BARD1: variants seen among roughly 807,000 people sequenced by gnomAD.
The protein encoded by BARD1 is BRCA1 associated RING domain 1.
In BARD1, 73 loss-of-function variants were observed where a neutral mutation model predicts 77.0. That is an observed-to-expected ratio of 0.95 (90% CI 0.79 to 1.15). BARD1 has a LOEUF of 1.15. BARD1 is among the 50% of genes most tolerant of loss of function. The pLI is 0.00. For synonymous variants in BARD1, 384 were observed against 338.0 expected, an observed-to-expected ratio of 1.14 and a Z score of -1.49; for missense variants, 993 against 938.8, an observed-to-expected ratio of 1.06 and a Z score of -0.75.
intron 9 of BARD1, among the ~76,000 whole-genome samples, chr2:214,739,020 G>A (rs1421478021): frequency 6.6e-6 from 1 of 152,060 alleles, no homozygotes; most frequent in African/African-American, 2.4e-5. Context: ...ATGGTGGTGA[G>A]TGCCTGTAGT....
intron 3 of BARD1, among the ~76,000 whole-genome samples, chr2:214,789,288 T>C (rs996643197): frequency 2.6e-5 from 4 of 151,774 alleles, no homozygotes; most frequent in Admixed American, 2.6e-4. Flanking sequence ...CCCAGCACTT[T>C]GGGAGGTCGA....
At chr2:214,741,222 A>G (rs528088185) in intron 9 of BARD1, among the ~76,000 whole-genome samples, 1 of 152,252 alleles carries the variant, frequency 6.6e-6, no homozygotes, top group East Asian at 1.9e-4. Context: ...GAATTTTACA[A>G]CTTCTACAGC....
At chr2:214,773,383 A>G (rs1240130512) in intron 4 of BARD1, among the ~76,000 whole-genome samples, 4 of 152,230 alleles carry the variant, frequency 2.6e-5, no homozygotes, top group Admixed American at 6.5e-5. Context: ...GATGCCATTA[A>G]AACAAACAAA....
intron 4 of BARD1, among the ~76,000 whole-genome samples, chr2:214,780,227 T>C (rs538780912): frequency 4.6e-5 from 7 of 152,292 alleles, no homozygotes; most frequent in Non-Finnish European, 1.5e-5. Context: ...AACTTAGCAA[T>C]TGTCTACATT....
At chr2:214,780,522 C>T (rs999023601) in intron 4 of BARD1, 38 bp downstream of exon 4, 3 of 1,574,730 alleles carry the variant, frequency 1.9e-6, no homozygotes, top group Admixed American at 1.7e-5. Flanking sequence ...TTATAGTTGG[C>T]CTCATTCTGA....
At chr2:214,798,113 T>C (rs1451580570) in intron 1 of BARD1, among the ~76,000 whole-genome samples, 2 of 152,126 alleles carry the variant, frequency 1.3e-5, no homozygotes, top group East Asian at 3.9e-4. Flanking sequence ...CACGTATCAA[T>C]AAAAACAATT....
intron 3 of BARD1, among the ~76,000 whole-genome samples, chr2:214,790,964 CTT>C (rs1391010796): frequency 2.6e-5 from 4 of 152,286 alleles, no homozygotes; most frequent in Non-Finnish European, 4.4e-5. Flanking sequence ...ACACCAATCT[CTT>C]TTAACTAGAA....
chr2:214,758,217 C>A (rs79853010), intron 6 of BARD1, among the ~76,000 whole-genome samples: 2,251 of 152,280 alleles, frequency 0.015, 12 homozygotes, highest in Middle Eastern at 0.031. Flanking sequence ...ACTCAAAAGT[C>A]TTATGACTTT....
chr2:214,805,832 TA>T (rs1696244867), intron 1 of BARD1, among the ~76,000 whole-genome samples: 2 of 152,098 alleles, frequency 1.3e-5, no homozygotes, highest in African/African-American at 4.8e-5. Flanking sequence ...AAAAGTTGAT[TA>T]AAAAGGCCCA....
chr2:214,792,216 A>T (rs1574839077), intron 3 of BARD1, 81 bp downstream of exon 3: 1 of 1,274,138 alleles, frequency 7.8e-7, no homozygotes, highest in East Asian at 2.5e-5. Context: ...CTCCAGATAG[A>T]TGTTTTATAT....
At chr2:214,787,240 A>G (rs1188366346) in intron 3 of BARD1, among the ~76,000 whole-genome samples, 2 of 151,946 alleles carry the variant, frequency 1.3e-5, no homozygotes, top group African/African-American at 4.8e-5. Flanking sequence ...AAACCTCAAT[A>G]TAAAAAGAAG....
intron 1 of BARD1, among the ~76,000 whole-genome samples, chr2:214,803,487 G>A (rs1288022397): frequency 6.6e-6 from 1 of 152,150 alleles, no homozygotes; most frequent in African/African-American, 2.4e-5. Context: ...TGGGACGTGC[G>A]GGCAGCAATA....
At chr2:214,749,629 A>G (rs1693307047) in intron 7 of BARD1, among the ~76,000 whole-genome samples, 1 of 152,206 alleles carries the variant, frequency 6.6e-6, no homozygotes, top group Non-Finnish European at 1.5e-5. Flanking sequence ...GCAAAGGACA[A>G]CTTGGTTATG....
intron 6 of BARD1, among the ~76,000 whole-genome samples, chr2:214,753,786 C>T (rs1405571452): frequency 6.6e-6 from 1 of 152,118 alleles, no homozygotes; most frequent in Non-Finnish European, 1.5e-5. Context: ...AAATGAACCA[C>T]AGCAAATGTT....
intron 1 of BARD1, among the ~76,000 whole-genome samples, chr2:214,801,348 T>C (rs1696009358): frequency 6.6e-6 from 1 of 152,202 alleles, no homozygotes; most frequent in South Asian, 2.1e-4. Flanking sequence ...ATAGAACCTC[T>C]TGAAGGATAC....
intron 9 of BARD1, among the ~76,000 whole-genome samples, chr2:214,734,805 T>C (rs1352061313): frequency 1.3e-5 from 2 of 152,194 alleles, no homozygotes; most frequent in African/African-American, 2.4e-5. Context: ...CTGTTTGTTC[T>C]AAGAAAAGAT....
intron 6 of BARD1, among the ~76,000 whole-genome samples, chr2:214,757,606 T>C (rs10179855): frequency 0.11 from 16,681 of 152,166 alleles, 1,060 homozygotes; most frequent in African/African-American, 0.16. Context: ...TTAACACACA[T>C]GGAATGAATA....
In BARD1 at chr2:214,809,624, G is replaced by A. The variant is rs1283507305; in HGVS notation, c.-55C>T. 10 of 1,520,290 alleles carry A rather than the reference G, an allele frequency of 6.6e-6. No individual in the cohort carries two copies. The highest frequency in any genetic ancestry group is 2.8e-5 in the African/African-American group (2 of 72,698). The allele number at this position is 1,520,290 out of a possible 1,614,324, so 94.2% of individuals were successfully genotyped here. Reference sequence around the variant, plus strand: ...CAGAGCGGGAAGCAAGGAAGCCTCGGGAAACCACAGGGAAGCTGCAGGCCA... The same window carrying A: ...CAGAGCGGGAAGCAAGGAAGCCTCGAGAAACCACAGGGAAGCTGCAGGCCA... On this transcript the variant is annotated 5_prime_UTR_variant, in exon 1 of 11. Coordinates refer to ENST00000260947, the MANE Select transcript of BARD1 (RefSeq NM_000465.4).
intron 1 of BARD1, 56 bp downstream of exon 1, chr2:214,809,356 C>A (rs1028847965): frequency 2.5e-6 from 4 of 1,604,602 alleles, no homozygotes; most frequent in Middle Eastern, 3.3e-4. Flanking sequence ...TCTGCCGCCC[C>A]CAGAAACTGT....
Sources: gnomAD v4.1 joint callset for allele counts (sites outside exome capture counted in the v4.1 genomes callset) on GRCh38, gnomAD v4.1.1 for gene constraint, MANE v1.5 for transcripts, NCBI Gene and HGNC (gene_info 2026-07-23, HGNC 2026-07-21) for gene names.